BCAS1: variants seen among roughly 807,000 people sequenced by gnomAD.
The protein encoded by BCAS1 is breast carcinoma-amplified sequence 1.
BCAS1 carries 46 observed loss-of-function variants against 65.4 expected under a neutral mutation model. That is an observed-to-expected ratio of 0.70 (90% confidence interval 0.55 to 0.90). The LOEUF (loss-of-function observed/expected upper bound fraction) is 0.90, where lower values mean the gene tolerates loss of function less well. BCAS1 is among the 40% of genes least tolerant of loss of function. The probability of loss-of-function intolerance (pLI) is 0.00; values close to 1 mark genes in which losing one functional copy is unlikely to be tolerated. For synonymous variants in BCAS1, 298 were observed against 293.5 expected, an observed-to-expected ratio of 1.02 and a Z score of -0.16; for missense variants, 793 against 771.2, an observed-to-expected ratio of 1.03 and a Z score of -0.33.
At chr20:54,024,814 C>T (rs2091636044) in intron 4 of BCAS1, among the ~76,000 whole-genome samples, 1 of 152,082 alleles carries the variant, frequency 6.6e-6, no homozygotes, top group Non-Finnish European at 1.5e-5. Context: ...ATTTGGCAGC[C>T]AGGGTGATGG....
In BCAS1 at chr20:53,992,524, G is replaced by C. The variant is rs906141057; in HGVS notation, c.1050C>G (p.Phe350Leu). Reference protein sequence around the residue: ...SPRLGLAFRKFFRHKGAEKSP... With the variant: ...SPRLGLAFRKLFRHKGAEKSP... The stretch of plus-strand genomic sequence containing the variant: ...ATAAGATACAGACCTTATGCCTAAA[G>C]AATTTTCTAAAGGCGAGTCCTAGCC... The change falls in exon 7 of 13, where the codon TTC becomes TTG. Residue 350 changes from phenylalanine (F) to leucine (L), a missense_variant. By Grantham distance (22) the Phe-to-Leu change is conservative. Transcript: ENST00000688948. The C allele has an allele frequency of 3.7e-6, 5 of 1,365,322 alleles. No homozygotes were observed. The East Asian group carries it at 2.3e-4, about 62-fold the overall frequency. 84.6% of individuals were successfully genotyped at this position (1,365,322 alleles called of 1,614,324 possible).
At chr20:54,042,836 T>C (rs1280742995) in intron 3 of BCAS1, among the ~76,000 whole-genome samples, 1 of 152,244 alleles carries the variant, frequency 6.6e-6, no homozygotes, top group Non-Finnish European at 1.5e-5. Flanking sequence ...ACTTGACCTA[T>C]TTCCCAATTT....
At chr20:54,052,643 C>A (rs1012408080) in intron 3 of BCAS1, among the ~76,000 whole-genome samples, 3 of 152,082 alleles carry the variant, frequency 2.0e-5, no homozygotes, top group Non-Finnish European at 4.4e-5. Context: ...CCTTTCCTGC[C>A]CTTCTGTCGT....
chr20:53,998,923 C>T (rs1294289599), intron 4 of BCAS1, among the ~76,000 whole-genome samples: 1 of 152,148 alleles, frequency 6.6e-6, no homozygotes, highest in Non-Finnish European at 1.5e-5. Context: ...TTACAATTAA[C>T]AGTTTCAAAC....
intron 12 of BCAS1, among the ~76,000 whole-genome samples, chr20:53,947,311 G>T (rs965259113): frequency 6.6e-6 from 1 of 152,100 alleles, no homozygotes; most frequent in African/African-American, 2.4e-5. Flanking sequence ...TATTTTTAGT[G>T]GTGGTAGTTG....
At chr20:54,031,748 C>G (rs1312305799) in intron 3 of BCAS1, among the ~76,000 whole-genome samples, 1 of 151,120 alleles carries the variant, frequency 6.6e-6, no homozygotes, top group South Asian at 2.1e-4. Context: ...CCAACTTACG[C>G]CAGTTGAAAT....
intron 4 of BCAS1, among the ~76,000 whole-genome samples, chr20:53,998,078 C>T (rs2090964419): frequency 6.6e-6 from 1 of 152,180 alleles, no homozygotes; most frequent in Non-Finnish European, 1.5e-5. Flanking sequence ...CAGAAGCCCA[C>T]AGAAGACTTG....
At position 54,058,598 on chromosome 20, in the gene BCAS1, T is replaced by C. The variant is rs757020059; in HGVS notation, c.72+49A>G. On this transcript the variant is annotated intron_variant, in intron 2 of 12. Transcript: ENST00000688948. ...CTTGTCAAATACAGGAAGTTCTTTT[T>C]TTTTTTTTTTTTTTTCTGCTGATGC... The C allele has an allele frequency of 4.3e-6, 6 of 1,409,312 alleles. No homozygotes were observed. In the South Asian group the frequency reaches 7.7e-5, roughly 18 times the overall value. The allele number at this position is 1,409,312 out of a possible 1,614,324, so 87.3% of individuals were successfully genotyped here.
At chr20:53,986,141 C>T (rs141906977) in intron 7 of BCAS1, among the ~76,000 whole-genome samples, 2,117 of 152,282 alleles carry the variant, frequency 0.014, 33 homozygotes, top group Non-Finnish European at 0.016. Flanking sequence ...ATTAAAACTT[C>T]TTGAAATGTT....
intron 4 of BCAS1, among the ~76,000 whole-genome samples, chr20:54,003,669 A>G (rs1388579757): frequency 6.6e-6 from 1 of 152,182 alleles, no homozygotes; most frequent in Non-Finnish European, 1.5e-5. Flanking sequence ...ATATTCTACA[A>G]GGGTTTCAAT....
chr20:53,984,849 A>G (rs989556266), intron 8 of BCAS1, among the ~76,000 whole-genome samples: 2 of 152,200 alleles, frequency 1.3e-5, no homozygotes, highest in African/African-American at 4.8e-5. Flanking sequence ...AGGATAGTGG[A>G]GACCTAGTGG....
intron 8 of BCAS1, among the ~76,000 whole-genome samples, chr20:53,980,870 T>G (rs2090459861): frequency 6.6e-6 from 1 of 152,232 alleles, no homozygotes; most frequent in Non-Finnish European, 1.5e-5. Context: ...AGGAATATCA[T>G]TTTTCAATTC....
chr20:53,966,771 T>C lies in BCAS1; in HGVS notation c.1485+135A>G, dbSNP rs1600727930. 16 of 794,066 alleles carry C rather than the reference T, an allele frequency of 2.0e-5. No individual in the cohort carries two copies. In the East Asian group the frequency reaches 4.2e-4, roughly 21 times the overall value. The allele number at this position is 794,066 out of a possible 1,614,324, so 49.2% of individuals were successfully genotyped here. On this transcript the variant is annotated intron_variant, in intron 10 of 12. Transcript: ENST00000688948. ...AGGAAGAAAGGGAATTTTCTCACTA[T>C]GCAATCCATATTCCATTCACATTCC... is the stretch of plus-strand genomic sequence containing the variant.
chr20:53,950,290 C>T (rs557717829), intron 12 of BCAS1, among the ~76,000 whole-genome samples: 5 of 152,160 alleles, frequency 3.3e-5, no homozygotes, highest in South Asian at 2.1e-4. Context: ...TCATTCCCAC[C>T]CCCGTGCCTT....
intron 1 of BCAS1, among the ~76,000 whole-genome samples, chr20:54,066,321 C>T (rs1471584760): frequency 3.3e-5 from 5 of 151,780 alleles, no homozygotes; most frequent in Non-Finnish European, 7.4e-5. Flanking sequence ...ATCCGCCCGC[C>T]TTGGCCTCCC....
chr20:53,953,403 G>A, intron 12 of BCAS1, 29 bp downstream of exon 12: 1 of 1,610,920 alleles, frequency 6.2e-7, no homozygotes, highest in Non-Finnish European at 8.5e-7. Flanking sequence ...AGAGAGCCCA[G>A]AAAGAAGAGG....
chr20:53,976,687 A>G (rs2090343860), intron 8 of BCAS1, among the ~76,000 whole-genome samples: 1 of 152,222 alleles, frequency 6.6e-6, no homozygotes, highest in Admixed American at 6.5e-5. Context: ...TTCCCCTGCT[A>G]TGATGACTTC....
chr20:53,960,900 T>C (rs2089859695), intron 10 of BCAS1, among the ~76,000 whole-genome samples: 1 of 152,240 alleles, frequency 6.6e-6, no homozygotes. Flanking sequence ...CCAGAGACTA[T>C]TTAATACTTT....
chr20:54,050,977 C>T (rs2092201992), intron 3 of BCAS1, among the ~76,000 whole-genome samples: 1 of 152,052 alleles, frequency 6.6e-6, no homozygotes. Flanking sequence ...GGTAAAAAGC[C>T]TTTTTAGGTA....
Sources: gnomAD v4.1 joint callset for allele counts (sites outside exome capture counted in the v4.1 genomes callset) on GRCh38, gnomAD v4.1.1 for gene constraint, MANE v1.5 for transcripts, NCBI Gene and HGNC (gene_info 2026-07-23, HGNC 2026-07-21) for gene names.